Variants in CRBN observed in about 807,000 individuals in gnomAD.
The protein encoded by CRBN is protein cereblon.
CRBN carries 53 observed loss-of-function variants against 62.2 expected under a neutral mutation model. The observed-to-expected ratio is 0.85, with a 90% CI of 0.68 to 1.07. CRBN has a LOEUF of 1.07. CRBN is among the 50% of genes least tolerant of loss of function. The pLI is 0.00. For synonymous variants in CRBN, 208 were observed against 176.1 expected (o/e 1.18, Z -1.43); for missense variants, 616 against 531.1 (o/e 1.16, Z -1.57).
intron 5 of CRBN, among the ~76,000 whole-genome samples, chr3:3,163,660 C>G (rs1316588595): frequency 6.6e-6 from 1 of 152,140 alleles, no homozygotes; most frequent in Non-Finnish European, 1.5e-5. Flanking sequence ...AATTAACTAC[C>G]ACTGCTCTCA....
intron 8 of CRBN, 103 bp downstream of exon 8, chr3:3,153,857 A>G: frequency 5.4e-6 from 4 of 743,442 alleles, no homozygotes; most frequent in Non-Finnish European, 7.4e-6. Context: ...TTGCATGACT[A>G]CATTACTGGA....
intron 4 of CRBN, among the ~76,000 whole-genome samples, chr3:3,168,327 C>G (rs919810306): frequency 2.6e-5 from 4 of 152,152 alleles, no homozygotes; most frequent in Admixed American, 2.0e-4. Flanking sequence ...TGTGTGCATT[C>G]CTTTTCACGT....
Position 3,167,250 on chromosome 3 carries a change from ACT to A in CRBN, c.687+382_687+383del, listed in dbSNP as rs1440415896. 5.3e-5 allele frequency among the ~76,000 whole-genome samples: 8 copies of A among 152,174 alleles called. No individual in the cohort carries two copies. The South Asian group carries it at 1.2e-3, about 24-fold the overall frequency. ...CTCTGGTTTGGAAGAAGGAAAACAGACTCTACTTCTCTACTACTACTCTACCC... is the reference window on the plus strand; with the variant it reads ...CTCTGGTTTGGAAGAAGGAAAACAGACTACTTCTCTACTACTACTCTACCC... On this transcript the variant is annotated intron_variant, in intron 5 of 10. Coordinates refer to ENST00000231948, the MANE Select transcript of CRBN (RefSeq NM_016302.4).
rs576932574 is a variant in CRBN at position 3,166,389 on chromosome 3, A to C, written c.687+1245T>G. Reference sequence around the variant, plus strand: ...TTGTGAGGCCTCCCCAGCCATGTGGAACTTTAAGTCCAATAAACCTCTTTT... The same window carrying C: ...TTGTGAGGCCTCCCCAGCCATGTGGCACTTTAAGTCCAATAAACCTCTTTT... On this transcript the variant is annotated intron_variant, in intron 5 of 10. Coordinates refer to ENST00000231948, the MANE Select transcript of CRBN (RefSeq NM_016302.4). Among the ~76,000 whole-genome samples, 36 of 152,262 alleles carry C rather than the reference A, an allele frequency of 2.4e-4. No homozygotes were observed. The South Asian group carries it at 6.8e-3, about 29-fold the overall frequency.
Position 3,179,634 on chromosome 3 carries a change from C to T in CRBN, c.54G>A (p.Leu18=). 1 of 1,613,446 alleles carries T rather than the reference C, an allele frequency of 6.2e-7. No individual in the cohort carries two copies. Among genetic ancestry groups the T allele is most frequent in the South Asian group, 1.1e-5 (1 of 91,074 alleles). Residue 18 remains leucine, a synonymous_variant, in exon 1 of 11, where the codon CTG becomes CTA. Coordinates refer to ENST00000231948, the MANE Select transcript of CRBN (RefSeq NM_016302.4). The stretch of plus-strand genomic sequence containing the variant: ...CCGGGCGGTTACCAGGCAGGAGCGG[C>T]AGGTGGTTGCCCATGTTGTGCGCAG... The part of the protein sequence containing the change: ...QDAAHNMGNH[L]PLLPAESEEE...
chr3:3,163,098 C>A (rs1707203779), intron 5 of CRBN, among the ~76,000 whole-genome samples: 1 of 152,164 alleles, frequency 6.6e-6, no homozygotes, highest in Non-Finnish European at 1.5e-5. Context: ...CTCTCTAAAG[C>A]AGAACAGAGT....
intron 5 of CRBN, among the ~76,000 whole-genome samples, chr3:3,162,345 G>C (rs980698368): frequency 2.0e-5 from 3 of 151,814 alleles, no homozygotes; most frequent in Non-Finnish European, 4.4e-5. Context: ...TTTTACTGTA[G>C]GGGGATTCTC....
chr3:3,173,094 G>T (rs975960739), intron 3 of CRBN, among the ~76,000 whole-genome samples, 169 bp from the exon 4 acceptor site: 1 of 152,076 alleles, frequency 6.6e-6, no homozygotes, highest in Admixed American at 6.6e-5. Flanking sequence ...GTCTCGCTGC[G>T]TTGCCCAGAC....
intron 5 of CRBN, among the ~76,000 whole-genome samples, chr3:3,157,739 C>A (rs1013912752): frequency 5.3e-5 from 8 of 152,214 alleles, no homozygotes; most frequent in Admixed American, 3.9e-4. Flanking sequence ...ACTTCCCCGC[C>A]ACTCCAATCC....
chr3:3,152,278 G>C (rs980951104), intron 10 of CRBN, among the ~76,000 whole-genome samples, 178 bp downstream of exon 10: 1 of 151,446 alleles, frequency 6.6e-6, no homozygotes, highest in African/African-American at 2.4e-5. Context: ...TCAGCATCCC[G>C]AGCAGCTGGG....
chr3:3,162,259 G>T (rs890141241), intron 5 of CRBN, among the ~76,000 whole-genome samples: 1 of 152,034 alleles, frequency 6.6e-6, no homozygotes, highest in Admixed American at 6.5e-5. Flanking sequence ...GGGCAAGCAG[G>T]GAATATACTT....
chr3:3,154,086 T>C lies in CRBN; in HGVS notation c.836-11A>G, dbSNP rs1456428872. 8 of 1,534,408 alleles carry C rather than the reference T, an allele frequency of 5.2e-6. No individual in the cohort carries two copies. The highest frequency in any genetic ancestry group is 7.2e-6 in the Non-Finnish European group (8 of 1,107,422). On this transcript the variant is annotated splice_polypyrimidine_tract_variant and intron_variant, in intron 7 of 10. Coordinates refer to ENST00000231948, the MANE Select transcript of CRBN (RefSeq NM_016302.4). The stretch of plus-strand genomic sequence containing the variant: ...CTCTGTAAGAAAAATCTTCAAGACA[T>C]GGTTTTTCAAGTTTTAAACTTAGGA...
Position 3,167,790 on chromosome 3 carries a change from G to A in CRBN, c.531C>T (p.Ile177=), listed in dbSNP as rs201850623. ...GAAGAATTTGCACTTTAGCTTGCTGGATTCTAAAATAAAGAGAACCAAGCA... is the reference window on the plus strand; with the variant it reads ...GAAGAATTTGCACTTTAGCTTGCTGAATTCTAAAATAAAGAGAACCAAGCA... ...VLELRTQSDG[I]QQAKVQILPE... Residue 177 remains isoleucine, a synonymous_variant, in exon 5 of 11, where the codon ATC becomes ATT. Coordinates refer to ENST00000231948, the MANE Select transcript of CRBN (RefSeq NM_016302.4). 2 of 1,613,208 alleles carry A rather than the reference G, an allele frequency of 1.2e-6. No individual in the cohort carries two copies. The highest frequency in any genetic ancestry group is 4.5e-5 in the East Asian group (2 of 44,822).
chr3:3,166,540 T>C (rs1452675385), intron 5 of CRBN, among the ~76,000 whole-genome samples: 1 of 152,150 alleles, frequency 6.6e-6, no homozygotes, highest in Non-Finnish European at 1.5e-5. Flanking sequence ...AAAATACTAG[T>C]TTCAAGGTTG....
At chr3:3,153,689 AACTAAATG>A in intron 8 of CRBN, 1 of 617,412 alleles carries the variant, frequency 1.6e-6, no homozygotes, top group Non-Finnish European at 2.9e-6. Context: ...ATTTACATAA[AACTAAATG>A]ACCTTCTCTA....
At chr3:3,152,349 C>G (rs1706625159) in intron 10 of CRBN, 107 bp downstream of exon 10, 1 of 1,232,710 alleles carries the variant, frequency 8.1e-7, no homozygotes, top group Non-Finnish European at 1.2e-6. Flanking sequence ...ATTTGTCTGT[C>G]TACTTTTTAT....
intron 4 of CRBN, among the ~76,000 whole-genome samples, chr3:3,168,196 A>G (rs1202863238): frequency 6.6e-6 from 1 of 152,054 alleles, no homozygotes. Context: ...ATGCTGCTTA[A>G]CTCTTACATC....
At chr3:3,153,886 T>C in intron 8 of CRBN, 74 bp downstream of exon 8, 1 of 893,876 alleles carries the variant, frequency 1.1e-6, no homozygotes, top group Non-Finnish European at 1.9e-6. Flanking sequence ...AGAGCTCCAT[T>C]GGCCCCAACA....
At chr3:3,164,472 T>C (rs991515343) in intron 5 of CRBN, among the ~76,000 whole-genome samples, 1 of 152,218 alleles carries the variant, frequency 6.6e-6, no homozygotes, top group African/African-American at 2.4e-5. Context: ...AAGTCTCCTT[T>C]CAGGGGCTAA....
Sources: allele counts gnomAD v4.1 joint callset (sites outside exome capture counted in the v4.1 genomes callset), GRCh38; gene constraint gnomAD v4.1.1; transcripts MANE v1.5; gene names NCBI Gene and HGNC (gene_info 2026-07-23, HGNC 2026-07-21).